Variants in CLEC4A observed in about 807,000 individuals in gnomAD.
CLEC4A encodes C-type (calcium dependent, carbohydrate-recognition domain) lectin, superfamily member 6.
CLEC4A carries 27 observed loss-of-function variants against 32.7 expected under a neutral mutation model. The ratio of observed to expected loss-of-function variants is 0.83; its 90% CI spans 0.61 to 1.14. CLEC4A has a LOEUF of 1.14. CLEC4A is among the 50% of genes most tolerant of loss of function. The pLI is 0.00. For synonymous variants in CLEC4A, 89 were observed against 93.7 expected, an observed-to-expected ratio of 0.95 and a Z score of 0.29; for missense variants, 253 against 274.6, an observed-to-expected ratio of 0.92 and a Z score of 0.55.
upstream of CLEC4A, among the ~76,000 whole-genome samples, chr12:8,123,226 TAG>T (rs1318053841): frequency 6.6e-6 from 1 of 152,190 alleles, no homozygotes; most frequent in Non-Finnish European, 1.5e-5. Flanking sequence ...AGACTTTTGA[TAG>T]AGTTAGTTAC....
At chr12:8,133,230 T>C (rs1948031810) in intron 3 of CLEC4A, among the ~76,000 whole-genome samples, 1 of 151,946 alleles carries the variant, frequency 6.6e-6, no homozygotes, top group Admixed American at 6.6e-5. Flanking sequence ...TTGGTATTTT[T>C]AGTAGAGACA....
chr12:8,130,597 T>G (rs112939221), intron 3 of CLEC4A, among the ~76,000 whole-genome samples: 3,582 of 152,060 alleles, frequency 0.024, 139 homozygotes, highest in African/African-American at 0.08. Context: ...TGCCAGGCTG[T>G]TCTTGAATTC....
the CLEC4A span, among the ~76,000 whole-genome samples, chr12:8,118,013 T>C: frequency 6.6e-6 from 1 of 151,952 alleles, no homozygotes; most frequent in African/African-American, 2.4e-5. Flanking sequence ...AAAGAAGGTT[T>C]TGAGGACCTC....
chr12:8,117,307 C>T, the CLEC4A span, among the ~76,000 whole-genome samples: 2 of 151,722 alleles, frequency 1.3e-5, no homozygotes, highest in Non-Finnish European at 2.9e-5. Context: ...GGCACGATCT[C>T]GGCTCACTGC....
chr12:8,134,673 A>T lies in CLEC4A; in HGVS notation c.299-912A>T, dbSNP rs755984247. The T allele has an allele frequency of 8.8e-6, 14 of 1,583,268 alleles. No homozygotes were observed. In the South Asian group the frequency reaches 1.4e-4, roughly 16 times the overall value. Reference sequence around the variant, plus strand: ...CTCATACGGCGGGGGACATGGGGGAATCCCCCACTCCTCAGAGCCTGGCCC... The same window carrying T: ...CTCATACGGCGGGGGACATGGGGGATTCCCCCACTCCTCAGAGCCTGGCCC... On this transcript the variant is annotated intron_variant, in intron 3 of 5. Coordinates refer to ENST00000229332, the MANE Select transcript of CLEC4A (RefSeq NM_016184.4).
At chr12:8,134,213 T>C in intron 3 of CLEC4A, 5 of 1,611,482 alleles carry the variant, frequency 3.1e-6, no homozygotes, top group Non-Finnish European at 3.4e-6. Context: ...AAGATTTTCA[T>C]TGTTGTCAGC....
chr12:8,107,402 TGAGTCCTTCC>T, the CLEC4A span, among the ~76,000 whole-genome samples: 31 of 152,194 alleles, frequency 2.0e-4, 1 homozygote, highest in African/African-American at 6.3e-4. Context: ...CAGTTAGCGA[TGAGTCCTTCC>T]TCCTCAAATT....
the CLEC4A span, among the ~76,000 whole-genome samples, chr12:8,107,194 T>C: frequency 3.9e-5 from 6 of 152,244 alleles, no homozygotes; most frequent in African/African-American, 1.4e-4. Flanking sequence ...TTTGTGTATG[T>C]TGAACCAACC....
the CLEC4A span, among the ~76,000 whole-genome samples, chr12:8,117,495 T>C: frequency 2.0e-5 from 3 of 152,072 alleles, no homozygotes; most frequent in African/African-American, 7.2e-5. Flanking sequence ...TGCCTTGGCC[T>C]CCCAAGGTGC....
the CLEC4A span, among the ~76,000 whole-genome samples, chr12:8,105,490 C>T: frequency 2.0e-5 from 3 of 152,020 alleles, no homozygotes; most frequent in African/African-American, 2.4e-5. Flanking sequence ...GCTGGGACTA[C>T]AGGTGTGTGC....
At chr12:8,122,723 TGTG>T (rs1361526645), upstream of CLEC4A, among the ~76,000 whole-genome samples, 1 of 151,976 alleles carries the variant, frequency 6.6e-6, no homozygotes, top group African/African-American at 2.4e-5. Flanking sequence ...GAATGAAACT[TGTG>T]GTGTTAGATT....
the CLEC4A span, among the ~76,000 whole-genome samples, chr12:8,116,846 T>C: frequency 6.6e-6 from 1 of 152,198 alleles, no homozygotes; most frequent in Non-Finnish European, 1.5e-5. Flanking sequence ...TTCTTGGACT[T>C]GGAGTGTTTG....
chr12:8,129,742 G>C (rs1228354522), intron 3 of CLEC4A, among the ~76,000 whole-genome samples: 1 of 152,236 alleles, frequency 6.6e-6, no homozygotes, highest in East Asian at 1.9e-4. Flanking sequence ...AGTGAGCCGA[G>C]GTTGTGCCAC....
chr12:8,107,451 A>G, the CLEC4A span, among the ~76,000 whole-genome samples: 14 of 152,262 alleles, frequency 9.2e-5, no homozygotes, highest in African/African-American at 3.1e-4. Context: ...GGAATAGTTC[A>G]GCAGGAACCT....
At chr12:8,113,834 G>A in the CLEC4A span, among the ~76,000 whole-genome samples, 2 of 152,180 alleles carry the variant, frequency 1.3e-5, no homozygotes, top group African/African-American at 4.8e-5. Flanking sequence ...CCATTCTTCT[G>A]GAGCTCTGAG....
the CLEC4A span, among the ~76,000 whole-genome samples, chr12:8,113,772 C>G: frequency 0.058 from 8,788 of 152,198 alleles, 757 homozygotes; most frequent in African/African-American, 0.18. Context: ...AGAGGGAAAG[C>G]TAATACAAGG....
At chr12:8,125,794 G>C (rs1428414813) in intron 2 of CLEC4A, 117 bp downstream of exon 2, 1 of 665,406 alleles carries the variant, frequency 1.5e-6, no homozygotes, top group African/African-American at 1.8e-5. Flanking sequence ...AATTTTCTCT[G>C]GGGAGACATA....
the CLEC4A span, among the ~76,000 whole-genome samples, chr12:8,104,226 TTTCTAGATGAGATACACC>T: frequency 6.6e-6 from 1 of 152,202 alleles, no homozygotes; most frequent in South Asian, 2.1e-4. Context: ...CCTTAAATGT[TTTCTAGATGAGATACACC>T]AGTTGTGACA....
intron 5 of CLEC4A, among the ~76,000 whole-genome samples, chr12:8,137,782 C>T (rs1251642207): frequency 6.6e-6 from 1 of 152,068 alleles, no homozygotes; most frequent in Non-Finnish European, 1.5e-5. Flanking sequence ...GGAAAAAACT[C>T]TATTGATAAG....
Sources: gnomAD v4.1 joint callset for allele counts (sites outside exome capture counted in the v4.1 genomes callset) on GRCh38, gnomAD v4.1.1 for gene constraint, MANE v1.5 for transcripts, NCBI Gene and HGNC (gene_info 2026-07-23, HGNC 2026-07-21) for gene names.